Variants in ACSS3 observed in about 807,000 individuals in gnomAD.
ACSS3 encodes the protein acyl-CoA synthetase short-chain family member 3, mitochondrial.
In ACSS3, 64 loss-of-function variants were observed where a neutral mutation model predicts 84.2. That is an observed-to-expected ratio of 0.76 (90% CI 0.62 to 0.94). ACSS3 has a LOEUF of 0.94. Among genes scored for constraint, ACSS3 ranks in the 40% least tolerant of loss-of-function variants. The probability of loss-of-function intolerance (pLI) is 0.00; values close to 1 mark genes in which losing one functional copy is unlikely to be tolerated. For missense variants in ACSS3, 815 were observed against 867.6 expected, an observed-to-expected ratio of 0.94 and a Z score of 0.76; for synonymous variants, 317 against 310.1, an observed-to-expected ratio of 1.02 and a Z score of -0.23.
Position 81,199,389 on chromosome 12 carries a change from G to A in ACSS3, c.1299G>A (p.Leu433=). 1.2e-6 allele frequency: 2 copies of A among 1,613,674 alleles called. No individual in the cohort carries two copies. Among genetic ancestry groups the A allele is most frequent in the Non-Finnish European group, 8.5e-7 (1 of 1,179,754 alleles). The part of the protein sequence containing the change: ...VAGERCDVET[L]EWSKNVFRVP... ...GAGAACGATGTGATGTAGAGACCCT[G>A]GAATGGTCCAAAAATGTCTTCAGAG... The change falls in exon 9 of 16, where the codon CTG becomes CTA. Residue 433 remains leucine (L), a synonymous_variant. Coordinates refer to ENST00000548058, the MANE Select transcript of ACSS3 (RefSeq NM_024560.4).
chr12:81,153,551 G>A (rs1439592201), intron 7 of ACSS3, among the ~76,000 whole-genome samples: 1 of 152,096 alleles, frequency 6.6e-6, no homozygotes, highest in Non-Finnish European at 1.5e-5. Context: ...AGTTACAGAG[G>A]GTTATATTTT....
rs1422234299 is a variant in ACSS3 at position 81,134,902 on chromosome 12, G to A, written c.543G>A (p.Ala181=). ...TCTACATGCCTATGATCCCACAGGCGATGTATACCATGTTGGCATGTGCAA... is the reference window on the plus strand; with the variant it reads ...TCTACATGCCTATGATCCCACAGGCAATGTATACCATGTTGGCATGTGCAA... ...VVIYMPMIPQ[A]MYTMLACARI... is the part of the protein sequence containing the mutation. The change falls in exon 3 of 16, where the codon GCG becomes GCA. Residue 181 remains alanine (A), a synonymous_variant. Transcript: ENST00000548058. The A allele has an allele frequency of 2.1e-5, 33 of 1,606,520 alleles. No homozygotes were observed. Among genetic ancestry groups the A allele is most frequent in the Middle Eastern group, 1.6e-4 (1 of 6,068 alleles).
chr12:81,203,866 G>T (rs2032221593), intron 9 of ACSS3, among the ~76,000 whole-genome samples: 1 of 152,056 alleles, frequency 6.6e-6, no homozygotes, highest in African/African-American at 2.4e-5. Flanking sequence ...CTGGATTATT[G>T]ACTGAACTTT....
chr12:81,177,801 AAGTC>A (rs1565706149), intron 8 of ACSS3, among the ~76,000 whole-genome samples: 1 of 152,190 alleles, frequency 6.6e-6, no homozygotes, highest in African/African-American at 2.4e-5. Context: ...AATCATTAAA[AAGTC>A]AGGAAACAAC....
chr12:81,241,383 T>C (rs981213962), intron 13 of ACSS3, among the ~76,000 whole-genome samples: 1 of 152,150 alleles, frequency 6.6e-6, no homozygotes, highest in Admixed American at 6.5e-5. Flanking sequence ...ATGGTATTTC[T>C]AGTTCTAGAT....
chr12:81,137,085 A>G (rs1379890350), intron 3 of ACSS3, among the ~76,000 whole-genome samples: 1 of 152,056 alleles, frequency 6.6e-6, no homozygotes, highest in Non-Finnish European at 1.5e-5. Context: ...TAGATTAGTT[A>G]TTAAAACAAG....
chr12:81,143,217 T>G lies in ACSS3; in HGVS notation c.891T>G (p.Leu297=), dbSNP rs757590870. 1 of 1,608,624 alleles carries G rather than the reference T, an allele frequency of 6.2e-7. No homozygotes were observed. The highest frequency in any genetic ancestry group is 8.5e-7 in the Non-Finnish European group (1 of 1,176,280). ...TTTCAGAACACCCACTGTATATTCT[T>G]TACACATCTGGCACAACGGGGTTAC... ...PVLSEHPLYI[L]YTSGTTGLPK... is the part of the protein sequence containing the mutation. Residue 297 remains leucine (L), a synonymous_variant, in exon 5 of 16, where the codon CTT becomes CTG. Transcript: ENST00000548058.
intron 8 of ACSS3, among the ~76,000 whole-genome samples, chr12:81,196,061 T>A (rs573269444): frequency 3.9e-5 from 6 of 152,318 alleles, no homozygotes; most frequent in East Asian, 1.9e-4. Flanking sequence ...TAATAGATTG[T>A]CTTAGCTGCA....
chr12:81,163,446 A>T (rs1887251613), intron 7 of ACSS3, among the ~76,000 whole-genome samples: 2 of 152,220 alleles, frequency 1.3e-5, no homozygotes. Context: ...AATTATGTGC[A>T]GCACATTAAT....
chr12:81,175,044 C>A, intron 8 of ACSS3, 105 bp downstream of exon 8: 1 of 1,240,650 alleles, frequency 8.1e-7, no homozygotes, highest in Non-Finnish European at 1.1e-6. Context: ...TAGGAAGAGC[C>A]AAAAGATTCA....
chr12:81,197,850 T>TGCCTTCCTATAATTCCTGCCTA (rs1369290176), intron 8 of ACSS3, among the ~76,000 whole-genome samples: 1 of 152,172 alleles, frequency 6.6e-6, no homozygotes, highest in African/African-American at 2.4e-5. Flanking sequence ...ATTACTGCCT[T>TGCCTTCCTATAATTCCTGCCTA]GCCTTCCTAT....
rs1372938564 is a variant in ACSS3 at position 81,216,926 on chromosome 12, A to C, written c.1380A>C (p.Ser460=). 6.2e-7 allele frequency: 1 copy of C among 1,611,094 alleles called. No individual in the cohort carries two copies. Among genetic ancestry groups the C allele is most frequent in the Non-Finnish European group, 8.5e-7 (1 of 1,177,764 alleles). Residue 460 remains serine, a synonymous_variant, in exon 10 of 16, where the codon TCA becomes TCC. Transcript: ENST00000548058. ...QTETGSPITA[S]CVGLGNSKTP... ...AGACTGGATCTCCAATTACTGCGTC[A>C]TGTGTTGGATTAGGCAATTCTAAAA...
intron 2 of ACSS3, among the ~76,000 whole-genome samples, chr12:81,120,810 G>A (rs972496709): frequency 3.9e-5 from 6 of 152,188 alleles, no homozygotes; most frequent in African/African-American, 1.4e-4. Flanking sequence ...GATATTGACT[G>A]TTCATTTTCT....
intron 7 of ACSS3, among the ~76,000 whole-genome samples, chr12:81,167,253 A>G (rs970318636): frequency 3.3e-5 from 5 of 152,160 alleles, no homozygotes; most frequent in African/African-American, 1.2e-4. Context: ...TGGCTTATTC[A>G]TTGGGGGTTG....
rs372678322 is a variant in ACSS3, at chr12:81,235,308, T to C, written c.1719+1837T>C. Reference sequence around the variant, plus strand: ...TTTTTTATGATGATCATGGAAAATATTTAATAGATTTTTTTATGTAGATCA... The same window carrying C: ...TTTTTTATGATGATCATGGAAAATACTTAATAGATTTTTTTATGTAGATCA... On this transcript the variant is annotated intron_variant, in intron 13 of 15. Coordinates refer to ENST00000548058, the MANE Select transcript of ACSS3 (RefSeq NM_024560.4). 2.0e-5 allele frequency among the ~76,000 whole-genome samples: 3 copies of C among 151,314 alleles called. No homozygotes were observed. In the East Asian group the frequency reaches 5.8e-4, roughly 29 times the overall value.
rs1442177994 is a variant in ACSS3, at chr12:81,260,916, T to G, written c.*5994T>G. 2 of 152,198 alleles carry G rather than the reference T, an allele frequency of 1.3e-5. No homozygotes were observed. The allele number at this position is 152,198 out of a possible 1,614,324, so 9.4% of individuals were successfully genotyped here. On this transcript the variant is annotated 3_prime_UTR_variant, in exon 16 of 16. Coordinates refer to ENST00000548058, the MANE Select transcript of ACSS3 (RefSeq NM_024560.4). Reference sequence around the variant, plus strand: ...TTAGGTTGAAAAAAAATTATGAACATTTGACATTTATAAATCTAAGAAACC... The same window carrying G: ...TTAGGTTGAAAAAAAATTATGAACAGTTGACATTTATAAATCTAAGAAACC...
intron 2 of ACSS3, among the ~76,000 whole-genome samples, chr12:81,127,478 TG>T (rs1473062466): frequency 1.3e-5 from 2 of 152,142 alleles, no homozygotes; most frequent in East Asian, 3.8e-4. Flanking sequence ...CAAACAAAAA[TG>T]TGTATGATTA....
At position 81,255,310 on chromosome 12, in the gene ACSS3, G is replaced by C. The variant is rs1209282723; in HGVS notation, c.*388G>C. 6.5e-6 allele frequency: 1 copy of C among 154,840 alleles called. No individual in the cohort carries two copies. The highest frequency in any genetic ancestry group is 2.4e-5 in the African/African-American group (1 of 41,576). 9.6% of individuals were successfully genotyped at this position (154,840 alleles called of 1,614,324 possible). A position where few individuals can be genotyped will look rare whatever the true frequency, so the allele number is the denominator to read the frequency against. On this transcript the variant is annotated 3_prime_UTR_variant, in exon 16 of 16. Coordinates refer to ENST00000548058, the MANE Select transcript of ACSS3 (RefSeq NM_024560.4). ...ATCCAAAATCTAAAACTTAAAGTCAGAAAATAATTAAAATTTTTCTTGTAG... is the reference window on the plus strand; with the variant it reads ...ATCCAAAATCTAAAACTTAAAGTCACAAAATAATTAAAATTTTTCTTGTAG...
At chr12:81,150,894 C>A (rs1886578857) in intron 5 of ACSS3, among the ~76,000 whole-genome samples, 1 of 150,406 alleles carries the variant, frequency 6.6e-6, no homozygotes, top group African/African-American at 2.4e-5. Flanking sequence ...ATTTTTTTTG[C>A]ATAAGAGCAG....
Sources: allele counts gnomAD v4.1 joint callset (sites outside exome capture counted in the v4.1 genomes callset), GRCh38; gene constraint gnomAD v4.1.1; transcripts MANE v1.5; gene names NCBI Gene and HGNC (gene_info 2026-07-23, HGNC 2026-07-21).